The following SPTLC1 variants were observed in gnomAD, a reference collection of about 807,000 sequenced individuals.
SPTLC1 encodes serine palmitoyltransferase long chain base subunit 1.
A neutral mutation model predicts 68.9 loss-of-function variants in SPTLC1; 55 were observed. The ratio of observed to expected loss-of-function variants is 0.80; its 90% confidence interval spans 0.64 to 1.00. The LOEUF (loss-of-function observed/expected upper bound fraction) is 1.00, where lower values mean the gene tolerates loss of function less well. Among genes scored for constraint, SPTLC1 ranks in the 50% least tolerant of loss-of-function variants. SPTLC1 has a pLI of 0.00. For synonymous variants in SPTLC1, 197 were observed against 201.6 expected (o/e 0.98, Z 0.19); for missense variants, 449 against 573.1 (o/e 0.78, Z 2.21).
chr9:92,111,348 C>G (rs1836236404), intron 2 of SPTLC1: 1 of 152,176 alleles, frequency 6.6e-6, no homozygotes, highest in Non-Finnish European at 1.5e-5. Flanking sequence ...TTACACTCAT[C>G]CACACCTGAA....
At chr9:92,058,442 G>A (rs1371014028) in intron 7 of SPTLC1, among the ~76,000 whole-genome samples, 2 of 152,212 alleles carry the variant, frequency 1.3e-5, no homozygotes, top group Non-Finnish European at 2.9e-5. Context: ...ACATCATGGT[G>A]TCCTGCTCAG....
chr9:92,077,402 G>A (rs62567931), intron 5 of SPTLC1, among the ~76,000 whole-genome samples: 25,557 of 151,968 alleles, frequency 0.17, 2,375 homozygotes, highest in Admixed American at 0.21. Context: ...CTAGAACCTC[G>A]GTGGACAGGA....
chr9:92,115,409 G>A lies in SPTLC1; in HGVS notation c.-39C>T. ...CTTCCGGAAGGCGGGTCACAAGCGCGTCCCAAAAGTGCGCGTCGCTGCTCA... is the reference window on the plus strand; with the variant it reads ...CTTCCGGAAGGCGGGTCACAAGCGCATCCCAAAAGTGCGCGTCGCTGCTCA... On this transcript the variant is annotated 5_prime_UTR_variant, in exon 1 of 15. It adds an upstream start codon to the 5' untranslated region. Coordinates refer to ENST00000262554, the MANE Select transcript of SPTLC1 (RefSeq NM_006415.4). The A allele has an allele frequency of 1.2e-6, 2 of 1,603,982 alleles. No individual in the cohort carries two copies. The highest frequency in any genetic ancestry group is 1.7e-6 in the Non-Finnish European group (2 of 1,171,662).
At chr9:92,079,562 T>C (rs1247360591) in intron 5 of SPTLC1, 1 of 1,613,374 alleles carries the variant, frequency 6.2e-7, no homozygotes, top group Non-Finnish European at 8.5e-7. Context: ...TCCTTCATCT[T>C]CATTCTAGAA....
chr9:92,093,342 A>C (rs1019242006), intron 3 of SPTLC1, among the ~76,000 whole-genome samples: 7 of 152,218 alleles, frequency 4.6e-5, no homozygotes, highest in African/African-American at 1.7e-4. Context: ...TAACTGGGAA[A>C]CAAGAGAGCC....
intron 6 of SPTLC1, among the ~76,000 whole-genome samples, chr9:92,065,253 C>G (rs545715301): frequency 6.6e-6 from 1 of 152,182 alleles, no homozygotes; most frequent in African/African-American, 2.4e-5. Context: ...GACCACTGTG[C>G]TGAGCCCCAC....
intron 3 of SPTLC1, chr9:92,104,727 G>A: frequency 6.5e-7 from 1 of 1,532,230 alleles, no homozygotes; most frequent in Middle Eastern, 2.3e-4. Context: ...GACAATAAAA[G>A]GGGCCCCTGT....
chr9:92,092,818 T>C (rs1167138883), intron 3 of SPTLC1, among the ~76,000 whole-genome samples: 2 of 152,232 alleles, frequency 1.3e-5, no homozygotes, highest in East Asian at 3.8e-4. Flanking sequence ...AAGTTCATTA[T>C]GCCTCACACT....
intron 5 of SPTLC1, among the ~76,000 whole-genome samples, chr9:92,075,655 G>C (rs772649320): frequency 2.0e-5 from 3 of 152,144 alleles, no homozygotes; most frequent in Admixed American, 6.5e-5. Flanking sequence ...TATACTCTTA[G>C]AGTCTCTCAA....
At chr9:92,082,687 C>T (rs1335877645) in intron 3 of SPTLC1, among the ~76,000 whole-genome samples, 1 of 152,020 alleles carries the variant, frequency 6.6e-6, no homozygotes, top group African/African-American at 2.4e-5. Flanking sequence ...GTGAATAGTG[C>T]CCCAATAAAC....
intron 5 of SPTLC1, among the ~76,000 whole-genome samples, chr9:92,077,216 G>A (rs1834712978): frequency 1.3e-5 from 2 of 152,000 alleles, no homozygotes; most frequent in South Asian, 4.2e-4. Context: ...TTTCTGCTGG[G>A]TCCCAACCTT....
intron 14 of SPTLC1, among the ~76,000 whole-genome samples, chr9:92,033,935 A>T (rs988906873): frequency 6.6e-6 from 1 of 152,130 alleles, no homozygotes; most frequent in African/African-American, 2.4e-5. Flanking sequence ...CAGAGCATTC[A>T]AACTCCCCAG....
chr9:92,065,563 G>A (rs1564096012), intron 6 of SPTLC1, among the ~76,000 whole-genome samples: 1 of 152,026 alleles, frequency 6.6e-6, no homozygotes. Flanking sequence ...AGGAAGCATA[G>A]GAGTTCACCA....
chr9:92,076,944 T>A (rs975590086), intron 5 of SPTLC1: 1 of 152,216 alleles, frequency 6.6e-6, no homozygotes, highest in Non-Finnish European at 1.5e-5. Flanking sequence ...AGTCTGATAA[T>A]GGGCTGGTCT....
chr9:92,114,249 C>T (rs1836352463), intron 1 of SPTLC1, among the ~76,000 whole-genome samples: 1 of 152,096 alleles, frequency 6.6e-6, no homozygotes, highest in Admixed American at 6.6e-5. Context: ...GCCTGGGCGA[C>T]AGAGTGAAAC....
chr9:92,036,044 C>A (rs1833128576), intron 13 of SPTLC1, among the ~76,000 whole-genome samples: 1 of 152,182 alleles, frequency 6.6e-6, no homozygotes, highest in Non-Finnish European at 1.5e-5. Context: ...TCTTTTCTTT[C>A]CTTCAAATAT....
chr9:92,107,533 A>G (rs1307376547), intron 3 of SPTLC1, among the ~76,000 whole-genome samples: 1 of 152,240 alleles, frequency 6.6e-6, no homozygotes, highest in Non-Finnish European at 1.5e-5. Context: ...CCGGCGGATC[A>G]CAAAGTCAGG....
intron 3 of SPTLC1, chr9:92,104,415 T>C: frequency 2.9e-6 from 4 of 1,383,456 alleles, no homozygotes; most frequent in Non-Finnish European, 3.8e-6. Context: ...TCAGGTGGGA[T>C]GGCGCCCCTG....
chr9:92,084,954 C>A (rs1835051792), intron 3 of SPTLC1, among the ~76,000 whole-genome samples: 2 of 152,170 alleles, frequency 1.3e-5, no homozygotes, highest in South Asian at 4.1e-4. Flanking sequence ...TCAACTTCTT[C>A]CTGGTTTAGT....
Sources: gnomAD v4.1 joint callset for allele counts (sites outside exome capture counted in the v4.1 genomes callset) on GRCh38, gnomAD v4.1.1 for gene constraint, MANE v1.5 for transcripts, NCBI Gene and HGNC (gene_info 2026-07-23, HGNC 2026-07-21) for gene names.